SIPA1L3: variants seen among roughly 807,000 people sequenced by gnomAD.
SIPA1L3 encodes the protein signal-induced proliferation-associated 1-like protein 3.
Under a neutral mutation model 150.1 loss-of-function variants are expected in SIPA1L3, and 59 were observed. The observed-to-expected ratio is 0.39, with a 90% CI of 0.32 to 0.49. The LOEUF (loss-of-function observed/expected upper bound fraction) is 0.49, where lower values mean the gene tolerates loss of function less well. SIPA1L3 is among the 20% of genes least tolerant of loss of function. The pLI, the probability that SIPA1L3 is intolerant of heterozygous loss-of-function variation, is 0.86. For missense variants in SIPA1L3, 2,211 were observed against 2,489.5 expected (o/e 0.89, Z 2.38); for synonymous variants, 1,070 against 1,077.6 (o/e 0.99, Z 0.14).
rs945931092 is a variant in SIPA1L3, at chr19:38,082,597, C to T, written c.1032C>T (p.Asp344=). 1 of 1,604,144 alleles carries T rather than the reference C, an allele frequency of 6.2e-7. No homozygotes were observed. Among genetic ancestry groups the T allele is most frequent in the African/African-American group, 1.3e-5 (1 of 75,042 alleles). Residue 344 remains aspartate, a synonymous_variant, in exon 3 of 22, where the codon GAC becomes GAT. Transcript: ENST00000222345. ...WVCQKSFAHF[D]VQSMLFDLNE... Reference sequence around the variant, plus strand: ...GTCAGAAGAGCTTCGCCCACTTCGACGTGCAGAGCATGCTGTTCGACCTCA... The same window carrying T: ...GTCAGAAGAGCTTCGCCCACTTCGATGTGCAGAGCATGCTGTTCGACCTCA...
chr19:37,933,031 G>A (rs1012909829), intron 1 of SIPA1L3, among the ~76,000 whole-genome samples: 6 of 152,030 alleles, frequency 3.9e-5, no homozygotes, highest in African/African-American at 1.4e-4. Flanking sequence ...TTCCTCTCTG[G>A]GCCTCAGTTT....
intron 1 of SIPA1L3, among the ~76,000 whole-genome samples, chr19:37,915,540 C>T (rs2046408212): frequency 6.6e-6 from 1 of 152,058 alleles, no homozygotes; most frequent in African/African-American, 2.4e-5. Context: ...CACCGCCACT[C>T]CCAGCTAATT....
At chr19:38,092,341 C>T (rs189502161) in intron 4 of SIPA1L3, among the ~76,000 whole-genome samples, 297 of 151,688 alleles carry the variant, frequency 2.0e-3, no homozygotes, top group African/African-American at 6.7e-3. Context: ...ACGTTGTGCA[C>T]ATGTACCCTA....
At chr19:38,143,688 G>A (rs4803809) in intron 12 of SIPA1L3, among the ~76,000 whole-genome samples, 27,832 of 151,388 alleles carry the variant, frequency 0.18, 2,958 homozygotes, top group African/African-American at 0.29. Flanking sequence ...ACAGGCTCTC[G>A]CCACCACGCC....
intron 10 of SIPA1L3, among the ~76,000 whole-genome samples, chr19:38,138,885 G>A (rs1406890464): frequency 5.1e-3 from 151 of 29,794 alleles, no homozygotes; most frequent in East Asian, 0.017. Flanking sequence ...GTGACAGAAC[G>A]AGACTCTATC....
intron 15 of SIPA1L3, among the ~76,000 whole-genome samples, chr19:38,177,291 G>C (rs898920049): frequency 3.3e-5 from 5 of 151,464 alleles, no homozygotes; most frequent in African/African-American, 1.2e-4. Context: ...AACCTGGGAA[G>C]CGGAGGTTGC....
intron 20 of SIPA1L3, chr19:38,203,598 A>C: frequency 6.5e-6 from 1 of 153,036 alleles, no homozygotes; most frequent in Non-Finnish European, 1.5e-5. Context: ...CACAGTGGGC[A>C]GAGGAGCTCT....
At chr19:38,101,518 C>T (rs545523773) in intron 6 of SIPA1L3, among the ~76,000 whole-genome samples, 2 of 152,234 alleles carry the variant, frequency 1.3e-5, no homozygotes, top group Non-Finnish European at 2.9e-5. Flanking sequence ...AAGCAAGATT[C>T]TCCTGCCTCA....
chr19:38,170,317 G>T (rs1972298856), intron 15 of SIPA1L3, among the ~76,000 whole-genome samples: 1 of 152,200 alleles, frequency 6.6e-6, no homozygotes, highest in African/African-American at 2.4e-5. Context: ...CCTGCTTGGG[G>T]CCAGACCTTG....
chr19:37,991,093 G>A (rs1208187368), intron 1 of SIPA1L3, among the ~76,000 whole-genome samples: 4 of 152,084 alleles, frequency 2.6e-5, no homozygotes, highest in Non-Finnish European at 5.9e-5. Context: ...TCAGCAGGGC[G>A]TAGTGGCACG....
At chr19:38,160,022 A>AT (rs1972043087) in intron 13 of SIPA1L3, among the ~76,000 whole-genome samples, 1 of 151,606 alleles carries the variant, frequency 6.6e-6, no homozygotes, top group Non-Finnish European at 1.5e-5. Flanking sequence ...TTTTTTATTT[A>AT]TTTTTTTGAG....
chr19:38,144,101 CT>C (rs756877329), intron 12 of SIPA1L3, among the ~76,000 whole-genome samples: 4 of 152,216 alleles, frequency 2.6e-5, no homozygotes, highest in South Asian at 2.1e-4. Context: ...CCAACTCAAG[CT>C]TCTGTGCCCC....
chr19:37,998,756 A>T (rs973754161), intron 1 of SIPA1L3, among the ~76,000 whole-genome samples: 1 of 152,186 alleles, frequency 6.6e-6, no homozygotes. Context: ...CCACTGTAGC[A>T]GCCTGGAAGA....
At chr19:38,126,122 C>T (rs1294174034) in intron 9 of SIPA1L3, among the ~76,000 whole-genome samples, 1 of 151,942 alleles carries the variant, frequency 6.6e-6, no homozygotes, top group African/African-American at 2.4e-5. Flanking sequence ...TGCAGTGAGC[C>T]GAGATTGCAC....
rs542658941 is a variant in SIPA1L3 at position 37,962,240 on chromosome 19, T to G, written c.-379+54882T>G. ...CTCACTGCAACCTCCGCCTCCGGAGTTCAAGCAATTCTCCTGCCTCAGCCT... is the reference window on the plus strand; with the variant it reads ...CTCACTGCAACCTCCGCCTCCGGAGGTCAAGCAATTCTCCTGCCTCAGCCT... On this transcript the variant is annotated intron_variant, in intron 1 of 21. Transcript: ENST00000222345. Among the ~76,000 whole-genome samples the G allele has an allele frequency of 1.4e-5, 2 of 143,988 alleles. 1 individual carries two copies. Among genetic ancestry groups the G allele is most frequent in the Non-Finnish European group, 3.0e-5 (2 of 66,338 alleles). 94.5% of individuals were successfully genotyped at this position (143,988 alleles called of 152,430 possible).
At chr19:37,985,455 G>A (rs1405953415) in intron 1 of SIPA1L3, among the ~76,000 whole-genome samples, 1 of 152,108 alleles carries the variant, frequency 6.6e-6, no homozygotes, top group East Asian at 1.9e-4. Flanking sequence ...TTGAAGCCAG[G>A]AGTTCAAAAC....
chr19:37,972,120 C>A (rs925978286), intron 1 of SIPA1L3, among the ~76,000 whole-genome samples: 2 of 150,830 alleles, frequency 1.3e-5, no homozygotes, highest in Non-Finnish European at 2.9e-5. Flanking sequence ...GTTACTAAGT[C>A]ATGTGGTAAC....
chr19:38,125,833 C>T lies in SIPA1L3; in HGVS notation c.2869-4665C>T, dbSNP rs541638946. ...TGCTGGGACATAGTGATGACCATAACAGACCCAGGCCTACTTTCATGGTGC... is the reference window on the plus strand; with the variant it reads ...TGCTGGGACATAGTGATGACCATAATAGACCCAGGCCTACTTTCATGGTGC... On this transcript the variant is annotated intron_variant, in intron 9 of 21. Coordinates refer to ENST00000222345, the MANE Select transcript of SIPA1L3 (RefSeq NM_015073.3). Among the ~76,000 whole-genome samples, 18 of 152,332 alleles carry T rather than the reference C, an allele frequency of 1.2e-4. 1 individual carries two copies. The highest frequency in any genetic ancestry group is 4.3e-4 in the African/African-American group (18 of 41,580).
chr19:38,001,274 T>G (rs2145659392), intron 1 of SIPA1L3, among the ~76,000 whole-genome samples: 1 of 152,140 alleles, frequency 6.6e-6, no homozygotes, highest in East Asian at 1.9e-4. Flanking sequence ...TAGAAAGTTC[T>G]TGATATCAAA....
Sources: gnomAD v4.1 joint callset for allele counts (sites outside exome capture counted in the v4.1 genomes callset) on GRCh38, gnomAD v4.1.1 for gene constraint, MANE v1.5 for transcripts, NCBI Gene and HGNC (gene_info 2026-07-23, HGNC 2026-07-21) for gene names.